The following ATG5 variants were observed in gnomAD, a reference collection of about 807,000 sequenced individuals.
ATG5 encodes the protein autophagy protein 5.
Under a neutral mutation model 36.5 loss-of-function variants are expected in ATG5, and 14 were observed. The observed-to-expected ratio is 0.38, with a 90% CI of 0.25 to 0.60. The LOEUF (loss-of-function observed/expected upper bound fraction) is 0.60, where lower values mean the gene tolerates loss of function less well. Among genes scored for constraint, ATG5 ranks in the 20% least tolerant of loss-of-function variants. The pLI, the probability that ATG5 is intolerant of heterozygous loss-of-function variation, is 0.60. For synonymous variants in ATG5, 95 were observed against 101.5 expected (o/e 0.94, Z 0.38); for missense variants, 195 against 326.7 (o/e 0.60, Z 3.11).
intron 3 of ATG5, among the ~76,000 whole-genome samples, chr6:106,306,380 T>C (rs1451517439): frequency 6.6e-6 from 1 of 152,154 alleles, no homozygotes; most frequent in Non-Finnish European, 1.5e-5. Flanking sequence ...CAAGCTAAAT[T>C]GAGGTTTCCC....
Position 106,209,387 on chromosome 6 carries a change from T to C in ATG5, c.574-7298A>G, listed in dbSNP as rs545133878. On this transcript the variant is annotated intron_variant, in intron 6 of 7. Coordinates refer to ENST00000369076, the MANE Select transcript of ATG5 (RefSeq NM_004849.4). ...CTACTGGTATATGCAACAACTTGGA[T>C]AGATCTCAAGGGAGTTATGTTATGT... Among the ~76,000 whole-genome samples the C allele has an allele frequency of 1.4e-3, 212 of 152,306 alleles. 5 individuals are homozygous for C. The South Asian group carries it at 0.042, about 31-fold the overall frequency.
chr6:106,254,834 C>A (rs1315188909), intron 5 of ATG5, among the ~76,000 whole-genome samples: 1 of 152,234 alleles, frequency 6.6e-6, no homozygotes, highest in African/African-American at 2.4e-5. Flanking sequence ...ACTGTTCAGT[C>A]TGGCTCAGAG....
intron 5 of ATG5, among the ~76,000 whole-genome samples, chr6:106,257,931 C>T (rs1017070731): frequency 1.3e-5 from 2 of 152,090 alleles, no homozygotes; most frequent in Non-Finnish European, 2.9e-5. Flanking sequence ...CCCTTGCTCC[C>T]ATTATGCACT....
At chr6:106,285,865 T>C (rs1476227206) in intron 4 of ATG5, among the ~76,000 whole-genome samples, 4 of 152,232 alleles carry the variant, frequency 2.6e-5, no homozygotes, top group African/African-American at 9.6e-5. Flanking sequence ...TCACAGGCCA[T>C]GCAAAAACAG....
chr6:106,241,917 A>G (rs1168536832), intron 6 of ATG5, among the ~76,000 whole-genome samples: 1 of 151,978 alleles, frequency 6.6e-6, no homozygotes, highest in Non-Finnish European at 1.5e-5. Context: ...CTCTCTCTAC[A>G]CAAACACACA....
intron 5 of ATG5, among the ~76,000 whole-genome samples, chr6:106,254,948 C>CTAACACAG (rs1335590126): frequency 6.6e-6 from 1 of 152,222 alleles, no homozygotes; most frequent in Admixed American, 6.5e-5. Context: ...AATAAAAGCC[C>CTAACACAG]TAACACAGTA....
At chr6:106,283,937 G>A (rs1779980445) in intron 4 of ATG5, among the ~76,000 whole-genome samples, 1 of 152,110 alleles carries the variant, frequency 6.6e-6, no homozygotes, top group African/African-American at 2.4e-5. Flanking sequence ...ATTATATAAT[G>A]TGCAGTCTTT....
At chr6:106,318,919 TGTTAA>T (rs1311788706) in intron 1 of ATG5, among the ~76,000 whole-genome samples, 1 of 152,172 alleles carries the variant, frequency 6.6e-6, no homozygotes, top group Admixed American at 6.5e-5. Flanking sequence ...AACTAAAGGA[TGTTAA>T]GTTTTCAATA....
At chr6:106,219,064 T>C (rs1777146860) in intron 6 of ATG5, among the ~76,000 whole-genome samples, 1 of 152,168 alleles carries the variant, frequency 6.6e-6, no homozygotes, top group Non-Finnish European at 1.5e-5. Context: ...CAGAAAGGCC[T>C]ATTGAAATAT....
At chr6:106,199,624 T>C (rs1156826048) in intron 7 of ATG5, among the ~76,000 whole-genome samples, 1 of 152,198 alleles carries the variant, frequency 6.6e-6, no homozygotes, top group Admixed American at 6.5e-5. Context: ...GTGGTGATGG[T>C]TGCACAACTC....
At chr6:106,283,998 A>G (rs1779981263) in intron 4 of ATG5, among the ~76,000 whole-genome samples, 1 of 152,214 alleles carries the variant, frequency 6.6e-6, no homozygotes, top group Non-Finnish European at 1.5e-5. Flanking sequence ...GCATATTATC[A>G]GTAATTCACT....
intron 5 of ATG5, among the ~76,000 whole-genome samples, chr6:106,270,697 C>CT (rs1200014054): frequency 1.3e-5 from 2 of 152,218 alleles, no homozygotes; most frequent in African/African-American, 4.8e-5. Flanking sequence ...TTCAGTGTAT[C>CT]TCTACATGAA....
intron 6 of ATG5, among the ~76,000 whole-genome samples, chr6:106,238,142 G>C (rs772858603): frequency 1.2e-4 from 18 of 152,130 alleles, no homozygotes; most frequent in Non-Finnish European, 2.1e-4. Context: ...CTTTACATAT[G>C]AGATACAAAT....
At chr6:106,292,876 G>T in intron 4 of ATG5, 152 bp downstream of exon 4, 1 of 573,426 alleles carries the variant, frequency 1.7e-6, no homozygotes, top group Non-Finnish European at 3.0e-6. Context: ...AAATTGAAAA[G>T]TATCTTATAG....
At chr6:106,309,524 A>C (rs1416911212) in intron 2 of ATG5, among the ~76,000 whole-genome samples, 2 of 152,152 alleles carry the variant, frequency 1.3e-5, no homozygotes, top group African/African-American at 2.4e-5. Context: ...TTATGCATTC[A>C]ACAGAATATA....
chr6:106,258,778 T>C (rs1446570031), intron 5 of ATG5, among the ~76,000 whole-genome samples: 1 of 152,218 alleles, frequency 6.6e-6, no homozygotes, highest in Non-Finnish European at 1.5e-5. Context: ...AAACTATTAA[T>C]GAATGGCATG....
Position 106,299,316 on chromosome 6 carries a change from A to G in ATG5, c.237-6210T>C, listed in dbSNP as rs375932973. On this transcript the variant is annotated intron_variant, in intron 3 of 7. Transcript: ENST00000369076. ...GTGCTACGTAAATAGTTGTTATACC[A>G]TATTGGACTTTTTGTGATTTCATTT... 2.0e-5 allele frequency among the ~76,000 whole-genome samples: 3 copies of G among 152,206 alleles called. No individual in the cohort carries two copies. In the East Asian group the frequency reaches 5.8e-4, roughly 29 times the overall value.
intron 7 of ATG5, among the ~76,000 whole-genome samples, chr6:106,200,622 C>T (rs1776389683): frequency 1.3e-5 from 2 of 152,104 alleles, no homozygotes; most frequent in South Asian, 2.1e-4. Context: ...CTACAGGCGC[C>T]CCGCCACCAC....
At chr6:106,197,297 G>A (rs1263342007) in intron 7 of ATG5, among the ~76,000 whole-genome samples, 3 of 152,166 alleles carry the variant, frequency 2.0e-5, no homozygotes, top group African/African-American at 7.2e-5. Context: ...TAAAGTGGGA[G>A]TATCACTTGA....
Sources: allele counts gnomAD v4.1 joint callset (sites outside exome capture counted in the v4.1 genomes callset), GRCh38; gene constraint gnomAD v4.1.1; transcripts MANE v1.5; gene names NCBI Gene and HGNC (gene_info 2026-07-23, HGNC 2026-07-21).